The following XIRP2 variants were observed in gnomAD, a reference collection of about 807,000 sequenced individuals.
XIRP2 encodes xin actin binding repeat containing 2, also known as xin actin-binding repeat-containing protein 2.
A neutral mutation model predicts 277.0 loss-of-function variants in XIRP2; 236 were observed. That is an observed-to-expected ratio of 0.85 (90% confidence interval 0.77 to 0.95). The LOEUF is 0.95. XIRP2 is among the 40% of genes least tolerant of loss of function. XIRP2 has a pLI of 0.00. For missense variants in XIRP2, 4,640 were observed against 4,157.5 expected, an observed-to-expected ratio of 1.12 and a Z score of -3.19; for synonymous variants, 1,490 against 1,416.5, an observed-to-expected ratio of 1.05 and a Z score of -1.17.
In XIRP2 at chr2:167,111,086, G is replaced by C. The variant is rs199896340; in HGVS notation, c.409-24823G>C. ...AAGGAGCTTTTGGACCCAGACTATG[G>C]GGTTTTTTACATACCGAATTACGTC... On this transcript the variant is annotated intron_variant, in intron 2 of 10. Coordinates refer to ENST00000409195, the MANE Select transcript of XIRP2 (RefSeq NM_152381.6). Among the ~76,000 whole-genome samples, 8 of 152,152 alleles carry C rather than the reference G, an allele frequency of 5.3e-5. No individual in the cohort carries two copies. In the East Asian group the frequency reaches 1.6e-3, roughly 29 times the overall value.
chr2:166,932,079 A>C (rs1413374970), intron 2 of XIRP2, among the ~76,000 whole-genome samples: 1 of 152,040 alleles, frequency 6.6e-6, no homozygotes, highest in Non-Finnish European at 1.5e-5. Flanking sequence ...ACTTGTTCAA[A>C]TCTTTTGTCC....
At chr2:167,162,583 C>G (rs1202013030) in intron 3 of XIRP2, among the ~76,000 whole-genome samples, 1 of 152,206 alleles carries the variant, frequency 6.6e-6, no homozygotes, top group Non-Finnish European at 1.5e-5. Flanking sequence ...TTATCTCCCA[C>G]TGGGTCCCTC....
chr2:167,141,729 C>G (rs1299844175), intron 3 of XIRP2, among the ~76,000 whole-genome samples: 1 of 151,998 alleles, frequency 6.6e-6, no homozygotes, highest in Non-Finnish European at 1.5e-5. Flanking sequence ...GGGCTTGCGG[C>G]ACATACCTGT....
At chr2:167,099,407 G>A (rs879229910) in intron 2 of XIRP2, among the ~76,000 whole-genome samples, 3 of 152,148 alleles carry the variant, frequency 2.0e-5, no homozygotes, top group Non-Finnish European at 4.4e-5. Flanking sequence ...CTATGCTGGC[G>A]GCGAGAATTT....
chr2:167,113,933 A>T (rs532251226), intron 2 of XIRP2, among the ~76,000 whole-genome samples: 2 of 152,048 alleles, frequency 1.3e-5, no homozygotes, highest in East Asian at 1.9e-4. Context: ...CTTGATTGGA[A>T]TTTTTTTTCT....
At chr2:167,065,778 T>C (rs1357336831) in intron 2 of XIRP2, among the ~76,000 whole-genome samples, 4 of 151,888 alleles carry the variant, frequency 2.6e-5, no homozygotes, top group African/African-American at 9.7e-5. Flanking sequence ...TGTTCCCAGG[T>C]GGTACATTTT....
At chr2:167,202,481 A>G (rs1470962926) in intron 3 of XIRP2, among the ~76,000 whole-genome samples, 1 of 152,224 alleles carries the variant, frequency 6.6e-6, no homozygotes, top group East Asian at 1.9e-4. Context: ...TAACAGTCCT[A>G]TTATTCAGAG....
In XIRP2 at chr2:167,250,542, T is replaced by C. The variant is rs757216245; in HGVS notation, c.9150T>C (p.Asp3050=). 8.7e-6 allele frequency: 14 copies of C among 1,613,506 alleles called. No individual in the cohort carries two copies. Among genetic ancestry groups the C allele is most frequent in the Middle Eastern group, 3.3e-4 (2 of 6,080 alleles). The change falls in exon 9 of 11, where the codon GAT becomes GAC. Residue 3050 remains aspartate (D), a synonymous_variant. Coordinates refer to ENST00000409195, the MANE Select transcript of XIRP2 (RefSeq NM_152381.6). The part of the protein sequence containing the change: ...GKPGNKPTSL[D]ETSSKVSNVH... ...CGGGAAATAAACCCACTAGTCTTGA[T>C]GAAACATCATCCAAAGTATCTAATG...
chr2:167,182,181 C>G (rs1693035227), intron 3 of XIRP2, among the ~76,000 whole-genome samples: 1 of 152,166 alleles, frequency 6.6e-6, no homozygotes, highest in Admixed American at 6.5e-5. Flanking sequence ...TTACATGACA[C>G]TTGAATGGGT....
At chr2:167,199,811 C>T (rs897895741) in intron 3 of XIRP2, among the ~76,000 whole-genome samples, 3 of 152,148 alleles carry the variant, frequency 2.0e-5, no homozygotes, top group Admixed American at 6.5e-5. Flanking sequence ...GGGCACAGAC[C>T]CTTAGTAACT....
In XIRP2 at chr2:167,051,176, A is replaced by G. The variant is rs372425897; in HGVS notation, c.409-84733A>G. Among the ~76,000 whole-genome samples the G allele has an allele frequency of 6.6e-5, 10 of 152,200 alleles. No homozygotes were observed. The South Asian group carries it at 1.0e-3, about 16-fold the overall frequency. ...TTCTACCCGCTACTGTGAGAATTTC[A>G]CGAAGCCATCTGCAGTGTCTTCACA... On this transcript the variant is annotated intron_variant, in intron 2 of 10. Transcript: ENST00000409195.
At chr2:167,056,346 G>A (rs577793517) in intron 2 of XIRP2, among the ~76,000 whole-genome samples, 43 of 152,170 alleles carry the variant, frequency 2.8e-4, no homozygotes, top group African/African-American at 9.2e-4. Flanking sequence ...GTTGATTTAC[G>A]TGGTTAATCA....
intron 2 of XIRP2, among the ~76,000 whole-genome samples, chr2:167,116,073 A>G (rs1373670111): frequency 6.6e-6 from 1 of 152,168 alleles, no homozygotes; most frequent in Non-Finnish European, 1.5e-5. Context: ...ATCTTGGTAT[A>G]CATTCCAAGG....
At chr2:167,002,741 G>A (rs975301468) in intron 2 of XIRP2, among the ~76,000 whole-genome samples, 1 of 151,848 alleles carries the variant, frequency 6.6e-6, no homozygotes, top group Admixed American at 6.6e-5. Context: ...CCAGTTTAAT[G>A]TCTTAAACAT....
At chr2:166,905,814 T>C (rs1425210818) in intron 2 of XIRP2, among the ~76,000 whole-genome samples, 3 of 151,970 alleles carry the variant, frequency 2.0e-5, no homozygotes, top group Non-Finnish European at 4.4e-5. Flanking sequence ...TAACTTGTTT[T>C]CTCCAAGTGA....
chr2:166,972,207 C>T (rs1686596493), intron 2 of XIRP2, among the ~76,000 whole-genome samples: 1 of 152,076 alleles, frequency 6.6e-6, no homozygotes, highest in African/African-American at 2.4e-5. Flanking sequence ...AAGAGTGACC[C>T]TCACAGACAC....
chr2:166,944,232 A>G (rs1685794866), intron 2 of XIRP2, among the ~76,000 whole-genome samples: 3 of 152,216 alleles, frequency 2.0e-5, no homozygotes, highest in South Asian at 2.1e-4. Context: ...TAAAACGTGT[A>G]TTTTTAGAAA....
At chr2:167,047,580 A>AT (rs778463695) in intron 2 of XIRP2, among the ~76,000 whole-genome samples, 30 of 152,120 alleles carry the variant, frequency 2.0e-4, no homozygotes, top group Admixed American at 5.3e-4. Context: ...AATATGGAGG[A>AT]TAAAAAGTTC....
Position 167,240,682 on chromosome 2 carries a change from C to T in XIRP2, c.988C>T (p.His330Tyr). 6.2e-7 allele frequency: 1 copy of T among 1,613,790 alleles called. No individual in the cohort carries two copies. The highest frequency in any genetic ancestry group is 1.1e-5 in the South Asian group (1 of 91,068). The change falls in exon 7 of 11, where the codon CAC becomes TAC. Residue 330 changes from histidine (H) to tyrosine (Y), a missense_variant. By Grantham distance (83) the His-to-Tyr change is moderately conservative. Coordinates refer to ENST00000409195, the MANE Select transcript of XIRP2 (RefSeq NM_152381.6). ...AATACAGGTCTCTCATCTTGAAAAG[C>T]ACACCGAGGAAGTAAACCAAGCATC... ...GTEMVSHLEKHTEEVNQASQF... is the reference protein window; with the variant it reads ...GTEMVSHLEKYTEEVNQASQF...
Sources: allele counts gnomAD v4.1 joint callset (sites outside exome capture counted in the v4.1 genomes callset), GRCh38; gene constraint gnomAD v4.1.1; transcripts MANE v1.5; gene names NCBI Gene and HGNC (gene_info 2026-07-23, HGNC 2026-07-21).